The following LRRC4C variants were observed in gnomAD, a reference collection of about 807,000 sequenced individuals.
The protein encoded by LRRC4C is leucine-rich repeat-containing protein 4C.
In LRRC4C, 5 loss-of-function variants were observed where a neutral mutation model predicts 33.6. That is an observed-to-expected ratio of 0.15 (90% CI 0.08 to 0.31). The LOEUF is 0.31. Ranked by LOEUF, LRRC4C falls within the 10% of genes least tolerant of loss-of-function variation. The probability of loss-of-function intolerance (pLI) is 1.00; values close to 1 mark genes in which losing one functional copy is unlikely to be tolerated. For synonymous variants in LRRC4C, 329 were observed against 302.0 expected (o/e 1.09, Z -0.93); for missense variants, 560 against 796.7 (o/e 0.70, Z 3.58).
At chr11:40,200,872 G>T (rs188619051) in intron 5 of LRRC4C, among the ~76,000 whole-genome samples, 1 of 151,608 alleles carries the variant, frequency 6.6e-6, no homozygotes, top group South Asian at 2.1e-4. Flanking sequence ...AGAATCCTTG[G>T]TAAGTCAGGT....
chr11:40,418,353 GA>G (rs1950402571), intron 3 of LRRC4C, among the ~76,000 whole-genome samples: 1 of 151,940 alleles, frequency 6.6e-6, no homozygotes, highest in Non-Finnish European at 1.5e-5. Flanking sequence ...ACAAACATAT[GA>G]AAAAAAGCTC....
intron 3 of LRRC4C, among the ~76,000 whole-genome samples, chr11:40,609,039 CAA>C (rs1329612862): frequency 6.6e-6 from 1 of 151,982 alleles, no homozygotes; most frequent in Non-Finnish European, 1.5e-5. Flanking sequence ...TAATAGGAAA[CAA>C]AATTCGAACA....
chr11:41,342,119 T>C (rs958167341), intron 1 of LRRC4C, among the ~76,000 whole-genome samples: 1 of 151,452 alleles, frequency 6.6e-6, no homozygotes, highest in African/African-American at 2.4e-5. Flanking sequence ...CTATTAATAT[T>C]AACACAGTTA....
chr11:40,987,986 C>T (rs1013412434), intron 1 of LRRC4C, among the ~76,000 whole-genome samples: 2 of 151,946 alleles, frequency 1.3e-5, no homozygotes, highest in African/African-American at 4.8e-5. Context: ...ACTCTTTGTG[C>T]CTCTATGTGG....
chr11:40,770,458 A>T (rs1447726885), intron 2 of LRRC4C, among the ~76,000 whole-genome samples: 1 of 152,164 alleles, frequency 6.6e-6, no homozygotes, highest in Non-Finnish European at 1.5e-5. Context: ...TTTGATGGGG[A>T]TGCAGAGCCA....
At chr11:40,700,945 C>T (rs565050445) in intron 2 of LRRC4C, among the ~76,000 whole-genome samples, 9 of 152,308 alleles carry the variant, frequency 5.9e-5, no homozygotes, top group Middle Eastern at 3.4e-3. Flanking sequence ...TTCCAACTCA[C>T]TCCCCTCAAA....
At chr11:40,830,972 A>G (rs1285371741) in intron 2 of LRRC4C, among the ~76,000 whole-genome samples, 1 of 152,152 alleles carries the variant, frequency 6.6e-6, no homozygotes, top group Non-Finnish European at 1.5e-5. Context: ...ACTTGTTGGA[A>G]TCAGTAATTC....
intron 3 of LRRC4C, among the ~76,000 whole-genome samples, chr11:40,594,135 T>C (rs1386416815): frequency 1.3e-5 from 2 of 152,166 alleles, no homozygotes. Flanking sequence ...TCCCTGATAG[T>C]CCCTTCATCC....
At chr11:40,393,716 T>C (rs1949426868) in intron 3 of LRRC4C, among the ~76,000 whole-genome samples, 1 of 152,098 alleles carries the variant, frequency 6.6e-6, no homozygotes, top group Non-Finnish European at 1.5e-5. Flanking sequence ...GACAGCAGGA[T>C]GCAATGGTCC....
At chr11:40,572,161 C>G (rs1236616647) in intron 3 of LRRC4C, among the ~76,000 whole-genome samples, 1 of 152,132 alleles carries the variant, frequency 6.6e-6, no homozygotes, top group African/African-American at 2.4e-5. Flanking sequence ...ATATGGGGAA[C>G]ACAACTTTTT....
intron 3 of LRRC4C, among the ~76,000 whole-genome samples, chr11:40,381,959 T>G (rs1469497309): frequency 7.3e-6 from 1 of 136,296 alleles, no homozygotes; most frequent in Non-Finnish European, 1.6e-5. Context: ...TCAGCGTTTT[T>G]TTTTTTTTTT....
intron 1 of LRRC4C, among the ~76,000 whole-genome samples, chr11:41,406,459 T>A (rs1372093088): frequency 1.3e-5 from 2 of 152,118 alleles, no homozygotes; most frequent in African/African-American, 4.8e-5. Flanking sequence ...GGGTATCTTC[T>A]TTATGCTAAG....
intron 3 of LRRC4C, among the ~76,000 whole-genome samples, chr11:40,324,962 G>C (rs762531408): frequency 6.6e-6 from 1 of 152,132 alleles, no homozygotes; most frequent in African/African-American, 2.4e-5. Flanking sequence ...AGGACTAAAT[G>C]AATTAATAAA....
chr11:41,199,639 T>C lies in LRRC4C; in HGVS notation c.-496+259792A>G, dbSNP rs11036285. Among the ~76,000 whole-genome samples the C allele has an allele frequency of 2.5e-3, 385 of 152,224 alleles. 3 individuals carry two copies. The highest frequency in any genetic ancestry group is 9.0e-3 in the African/African-American group (372 of 41,544). ...CTGCTAGAAATTTTCACTTAGAGCA[T>C]TTAATTTCTTATATTTCCCAGTGAA... On this transcript the variant is annotated intron_variant, in intron 1 of 6. Coordinates refer to ENST00000528697, the MANE Select transcript of LRRC4C (RefSeq NM_001258419.2).
chr11:40,393,200 A>G (rs1370576208), intron 3 of LRRC4C, among the ~76,000 whole-genome samples: 4 of 152,166 alleles, frequency 2.6e-5, no homozygotes, highest in Non-Finnish European at 5.9e-5. Flanking sequence ...GGAATATTTC[A>G]GGGATAAATG....
intron 1 of LRRC4C, among the ~76,000 whole-genome samples, chr11:41,108,438 A>C (rs1055939417): frequency 2.6e-5 from 4 of 152,120 alleles, no homozygotes; most frequent in Admixed American, 2.6e-4. Flanking sequence ...TGTCTTTAAG[A>C]TATATTAACT....
intron 1 of LRRC4C, among the ~76,000 whole-genome samples, chr11:40,951,020 G>T (rs1220342869): frequency 6.6e-6 from 1 of 151,798 alleles, no homozygotes; most frequent in Non-Finnish European, 1.5e-5. Flanking sequence ...ACCCAGATAA[G>T]CTCCTACTAT....
chr11:40,276,759 A>G (rs1258643828), intron 4 of LRRC4C, among the ~76,000 whole-genome samples: 1 of 150,098 alleles, frequency 6.7e-6, no homozygotes, highest in Non-Finnish European at 1.5e-5. Context: ...GTGTCCATAG[A>G]TTCTGCAATC....
At chr11:40,820,946 A>G (rs1264043028) in intron 2 of LRRC4C, among the ~76,000 whole-genome samples, 1 of 151,824 alleles carries the variant, frequency 6.6e-6, no homozygotes, top group Non-Finnish European at 1.5e-5. Flanking sequence ...CAAACAAAGA[A>G]GTAAAATAAC....
Sources: gnomAD v4.1 joint callset for allele counts (sites outside exome capture counted in the v4.1 genomes callset) on GRCh38, gnomAD v4.1.1 for gene constraint, MANE v1.5 for transcripts, NCBI Gene and HGNC (gene_info 2026-07-23, HGNC 2026-07-21) for gene names.